Variants in CNGB1 observed in about 807,000 individuals in gnomAD.
CNGB1 encodes the protein cyclic nucleotide gated channel subunit beta 1, also known as cyclic nucleotide-gated channel beta-1.
Under a neutral mutation model 151.7 loss-of-function variants are expected in CNGB1, and 126 were observed. The ratio of observed to expected loss-of-function variants is 0.83; its 90% CI spans 0.72 to 0.96. The LOEUF (loss-of-function observed/expected upper bound fraction) is 0.96, where lower values mean the gene tolerates loss of function less well. Ranked by LOEUF, CNGB1 falls within the 40% of genes least tolerant of loss-of-function variation. The pLI is 0.00. For synonymous variants in CNGB1, 623 were observed against 635.1 expected (o/e 0.98, Z 0.29); for missense variants, 1,698 against 1,627.0 (o/e 1.04, Z -0.75).
chr16:57,923,270 C>A lies in CNGB1; in HGVS notation c.1643+3G>T. On this transcript the variant is annotated splice_donor_region_variant and intron_variant, in intron 18 of 32. Transcript: ENST00000251102. ...ATTTTCTGAGACCCCAGAGGGGTCT[C>A]ACTCAGTGTCCTTCGGGGTGGTGGG... 6.3e-7 allele frequency: 1 copy of A among 1,595,122 alleles called. No individual in the cohort carries two copies. The highest frequency in any genetic ancestry group is 1.1e-5 in the South Asian group (1 of 90,362).
At chr16:57,921,217 C>CTTTTTTT (rs1185678390) in intron 18 of CNGB1, among the ~76,000 whole-genome samples, 2 of 90,142 alleles carry the variant, frequency 2.2e-5, no homozygotes, top group African/African-American at 5.0e-5. Flanking sequence ...AAATGAGGCT[C>CTTTTTTT]TTTTTTTTTT....
intron 31 of CNGB1, among the ~76,000 whole-genome samples, chr16:57,891,200 G>A (rs1386066783): frequency 6.6e-6 from 1 of 152,226 alleles, no homozygotes; most frequent in East Asian, 1.9e-4. Context: ...CCAGTTTTCA[G>A]TCATAAGCAG....
intron 1 of CNGB1, 44 bp from the exon 2 acceptor site, chr16:57,967,338 T>C: frequency 6.3e-7 from 1 of 1,581,108 alleles, no homozygotes; most frequent in South Asian, 1.1e-5. Flanking sequence ...GCACTCACAG[T>C]AGCTCCCGCC....
chr16:57,903,584 G>A (rs557558120), intron 27 of CNGB1, among the ~76,000 whole-genome samples: 7 of 152,322 alleles, frequency 4.6e-5, no homozygotes, highest in African/African-American at 1.7e-4. Context: ...AGGGGGGCAG[G>A]CACACAGAAG....
At chr16:57,945,663 T>C (rs1961788207) in intron 14 of CNGB1, among the ~76,000 whole-genome samples, 1 of 152,256 alleles carries the variant, frequency 6.6e-6, no homozygotes. Flanking sequence ...GCAGCTTTCC[T>C]TGTCTGTAAT....
At chr16:57,898,540 C>CGAGTAGCTG (rs1287198798) in intron 29 of CNGB1, among the ~76,000 whole-genome samples, 1 of 152,084 alleles carries the variant, frequency 6.6e-6, no homozygotes, top group Non-Finnish European at 1.5e-5. Context: ...TTCAGCCTCC[C>CGAGTAGCTG]GAGTAGCTGG....
At chr16:57,916,763 T>A (rs1596975788) in intron 21 of CNGB1, among the ~76,000 whole-genome samples, 1 of 151,920 alleles carries the variant, frequency 6.6e-6, no homozygotes, top group African/African-American at 2.4e-5. Context: ...GAGGCCAGGG[T>A]CTCAAATTGG....
Position 57,923,277 on chromosome 16 carries a change from T to G in CNGB1, c.1639A>C (p.Thr547Pro). Residue 547 changes from threonine to proline, a missense_variant, in exon 18 of 33, where the codon ACT becomes CCT. By Grantham distance (38) the Thr-to-Pro change is conservative (BLOSUM62 -1). Coordinates refer to ENST00000251102, the MANE Select transcript of CNGB1 (RefSeq NM_001297.5). Reference protein sequence around the residue: ...AWSDPTTPKDTDGQDRAASTA... With the variant: ...AWSDPTTPKDPDGQDRAASTA... ...GAGACCCCAGAGGGGTCTCACTCAG[T>G]GTCCTTCGGGGTGGTGGGGTCAGAC... 1.3e-6 allele frequency: 2 copies of G among 1,588,666 alleles called. No homozygotes were observed. The highest frequency in any genetic ancestry group is 1.7e-6 in the Non-Finnish European group (2 of 1,167,156).
intron 9 of CNGB1, 129 bp from the exon 10 acceptor site, chr16:57,960,194 C>T (rs1035849895): frequency 4.0e-5 from 59 of 1,466,610 alleles, no homozygotes; most frequent in Non-Finnish European, 5.0e-5. Flanking sequence ...ACCACCTCAC[C>T]CATCCCAATC....
intron 12 of CNGB1, chr16:57,955,294 T>C (rs1962056594): frequency 1.3e-6 from 2 of 1,551,250 alleles, no homozygotes; most frequent in South Asian, 2.4e-5. Context: ...CTTCTTTCCT[T>C]CCATCCATGT....
At chr16:57,927,088 C>A (rs188773701) in intron 17 of CNGB1, among the ~76,000 whole-genome samples, 16 of 152,236 alleles carry the variant, frequency 1.1e-4, no homozygotes, top group Admixed American at 1.0e-3. Context: ...TCCCCCAGCA[C>A]TGCCTGTGTC....
At chr16:57,963,189 G>T (rs1221028800) in intron 4 of CNGB1, 125 bp from the exon 5 acceptor site, 2 of 833,746 alleles carry the variant, frequency 2.4e-6, no homozygotes, top group Non-Finnish European at 4.2e-6. Flanking sequence ...GTGTGGTGTG[G>T]TTATTGGAAA....
intron 17 of CNGB1, among the ~76,000 whole-genome samples, chr16:57,930,907 G>C (rs1323544784): frequency 6.6e-6 from 1 of 152,034 alleles, no homozygotes; most frequent in Non-Finnish European, 1.5e-5. Flanking sequence ...TGAGTATAGA[G>C]CTTCAGTCAT....
rs1959854119 is a variant in CNGB1, at chr16:57,884,438, A to C, written c.3482T>G (p.Val1161Gly). Reference protein sequence around the residue: ...LVEQAKSSQDVKGEEGSAAPD... With the variant: ...LVEQAKSSQDGKGEEGSAAPD... Reference sequence around the variant, plus strand: ...GGCGGCGGAGCCTTCCTCTCCCTTGACGTCTTGCGAGCTCTTGGCCTGGAA... The same window carrying C: ...GGCGGCGGAGCCTTCCTCTCCCTTGCCGTCTTGCGAGCTCTTGGCCTGGAA... Residue 1161 changes from valine to glycine, a missense_variant, in exon 33 of 33, where the codon GTC (valine) becomes GGC (glycine). Physicochemically the swap from Val to Gly is moderately radical, Grantham distance 109. Transcript: ENST00000251102. 1 of 1,612,298 alleles carries C rather than the reference A, an allele frequency of 6.2e-7. No individual in the cohort carries two copies. The highest frequency in any genetic ancestry group is 1.3e-5 in the African/African-American group (1 of 74,348).
chr16:57,913,744 G>T (rs1960793451), intron 23 of CNGB1, among the ~76,000 whole-genome samples: 1 of 152,204 alleles, frequency 6.6e-6, no homozygotes, highest in Non-Finnish European at 1.5e-5. Flanking sequence ...GCCTCTTAAA[G>T]TGCTGGTATT....
At chr16:57,946,638 G>A (rs1192961988) in intron 14 of CNGB1, 1 of 152,288 alleles carries the variant, frequency 6.6e-6, no homozygotes, top group Non-Finnish European at 1.5e-5. Context: ...GGAAAGCTGA[G>A]CTGTTGCCTG....
At position 57,917,391 on chromosome 16, in the gene CNGB1, G is replaced by A. The variant is rs752474376; in HGVS notation, c.2043C>T (p.Pro681=). The change falls in exon 21 of 33, where the codon CCC becomes CCT. Residue 681 remains proline, a synonymous_variant. Coordinates refer to ENST00000251102, the MANE Select transcript of CNGB1 (RefSeq NM_001297.5). ...GGTGGATGTTGTCCGGGGTCTGGTA[G>A]GGGAAGGCCCAGCGCACGGGAATCA... ...CWLIPVRWAF[P]YQTPDNIHHW... 5.6e-6 allele frequency: 9 copies of A among 1,614,000 alleles called. No individual in the cohort carries two copies. The African/African-American group carries it at 8.0e-5, about 14-fold the overall frequency.
rs751289362 is a variant in CNGB1 at position 57,957,326 on chromosome 16, T to G, written c.874+15A>C. The G allele has an allele frequency of 6.8e-6, 11 of 1,613,008 alleles. No individual in the cohort carries two copies. In the Admixed American group the frequency reaches 1.3e-4, roughly 20 times the overall value. On this transcript the variant is annotated intron_variant, in intron 12 of 32. Transcript: ENST00000251102. ...TCCTAATATGTACATGGGGACTCAG[T>G]AATGTGTCACTTACTGGTCTGCACA...
rs758186226 is a variant in CNGB1 at position 57,901,509 on chromosome 16, AG to A, written c.2892+18del. On this transcript the variant is annotated intron_variant, in intron 28 of 32. Coordinates refer to ENST00000251102, the MANE Select transcript of CNGB1 (RefSeq NM_001297.5). ...GGAGCCTCCCACAGCCCTGAGCGTG[AG>A]GGCACCAAAAGGTGTACCTGAAAGA... The A allele has an allele frequency of 1.9e-6, 3 of 1,613,478 alleles. No homozygotes were observed. The highest frequency in any genetic ancestry group is 1.7e-6 in the Non-Finnish European group (2 of 1,179,488).
Sources: gnomAD v4.1 joint callset for allele counts (sites outside exome capture counted in the v4.1 genomes callset) on GRCh38, gnomAD v4.1.1 for gene constraint, MANE v1.5 for transcripts, NCBI Gene and HGNC (gene_info 2026-07-23, HGNC 2026-07-21) for gene names.